The following SETBP1 variants were observed in gnomAD, a reference collection of about 807,000 sequenced individuals.
SETBP1 encodes the protein SET-binding protein.
A neutral mutation model predicts 101.0 loss-of-function variants in SETBP1; 9 were observed. The observed-to-expected ratio is 0.09, with a 90% CI of 0.05 to 0.16. The LOEUF (loss-of-function observed/expected upper bound fraction) is 0.16, where lower values mean the gene tolerates loss of function less well. SETBP1 is among the 10% of genes least tolerant of loss of function. The probability of loss-of-function intolerance (pLI) is 1.00; values close to 1 mark genes in which losing one functional copy is unlikely to be tolerated. For synonymous variants in SETBP1, 818 were observed against 788.5 expected, an observed-to-expected ratio of 1.04 and a Z score of -0.63; for missense variants, 1,858 against 2,033.8, an observed-to-expected ratio of 0.91 and a Z score of 1.66.
chr18:44,928,645 C>G (rs1049212410), intron 3 of SETBP1, among the ~76,000 whole-genome samples: 1 of 152,198 alleles, frequency 6.6e-6, no homozygotes, highest in Non-Finnish European at 1.5e-5. Flanking sequence ...GATGGTATCT[C>G]ATTGTGGTTT....
rs186455161 is a variant in SETBP1 at position 45,010,622 on chromosome 18, A to C, written c.4001-27863A>C. ...ATCTTTGATGGTTCTCATTGGTGTTACTATGAAAATGATTTCTAGAATTTC... is the reference window on the plus strand; with the variant it reads ...ATCTTTGATGGTTCTCATTGGTGTTCCTATGAAAATGATTTCTAGAATTTC... On this transcript the variant is annotated intron_variant, in intron 4 of 5. Coordinates refer to ENST00000649279, the MANE Select transcript of SETBP1 (RefSeq NM_015559.3). Among the ~76,000 whole-genome samples the C allele has an allele frequency of 8.5e-5, 13 of 152,364 alleles. No homozygotes were observed. The East Asian group carries it at 2.3e-3, about 27-fold the overall frequency.
At chr18:44,833,489 A>G (rs1351923556) in intron 2 of SETBP1, among the ~76,000 whole-genome samples, 9 of 152,192 alleles carry the variant, frequency 5.9e-5, no homozygotes. Flanking sequence ...ACCAAAGCCC[A>G]TGTCTGTCCT....
intron 2 of SETBP1, among the ~76,000 whole-genome samples, chr18:44,778,627 G>C (rs1568138838): frequency 6.6e-6 from 1 of 152,226 alleles, no homozygotes; most frequent in African/African-American, 2.4e-5. Flanking sequence ...AGGCACTATA[G>C]TTTTCCACTA....
chr18:44,809,353 A>C (rs1330343469), intron 2 of SETBP1, among the ~76,000 whole-genome samples: 1 of 152,244 alleles, frequency 6.6e-6, no homozygotes, highest in Non-Finnish European at 1.5e-5. Context: ...TTCAAAATGA[A>C]GAAAAAAAGA....
intron 2 of SETBP1, among the ~76,000 whole-genome samples, chr18:44,703,607 A>G (rs1297976610): frequency 6.6e-6 from 1 of 152,024 alleles, no homozygotes; most frequent in Non-Finnish European, 1.5e-5. Flanking sequence ...TTCTGCATCC[A>G]GGAATTGCCC....
At chr18:44,820,804 G>A (rs2072096364) in intron 2 of SETBP1, among the ~76,000 whole-genome samples, 3 of 152,194 alleles carry the variant, frequency 2.0e-5, no homozygotes, top group Admixed American at 2.0e-4. Flanking sequence ...GTTAACACTT[G>A]TCTTATGGAC....
In SETBP1 at chr18:44,839,406, TTGCTGCTGCTGC is replaced by T. The variant is rs80013756; in HGVS notation, c.487-29808_487-29797del. On this transcript the variant is annotated intron_variant, in intron 2 of 5. Transcript: ENST00000649279. ...TCAGCATGCTAGGCAAACCTGGGTG[TTGCTGCTGCTGC>T]TGCTGCTGCTGCTGCGAGGCTGCCC... is the stretch of plus-strand genomic sequence containing the variant. Among the ~76,000 whole-genome samples, 5 of 151,842 alleles carry T rather than the reference TTGCTGCTGCTGC, an allele frequency of 3.3e-5. No homozygotes were observed. The East Asian group carries it at 7.8e-4, about 24-fold the overall frequency.
At chr18:44,919,643 C>G (rs576957708) in intron 3 of SETBP1, among the ~76,000 whole-genome samples, 2 of 151,816 alleles carry the variant, frequency 1.3e-5, no homozygotes, top group African/African-American at 4.8e-5. Flanking sequence ...CCACCATGCC[C>G]GGCTAGATCC....
chr18:44,908,303 G>A (rs981161182), intron 3 of SETBP1, among the ~76,000 whole-genome samples: 14 of 151,790 alleles, frequency 9.2e-5, no homozygotes, highest in African/African-American at 2.4e-4. Flanking sequence ...TCGCCACCTC[G>A]GCCTCCCAAA....
chr18:45,008,974 C>G (rs570502287), intron 4 of SETBP1, among the ~76,000 whole-genome samples: 5 of 152,152 alleles, frequency 3.3e-5, no homozygotes, highest in African/African-American at 1.2e-4. Context: ...TGGTGCCTCA[C>G]GTGGAGCTGG....
At position 44,804,340 on chromosome 18, in the gene SETBP1, A is replaced by T. The variant is rs533241918; in HGVS notation, c.487-64890A>T. 3.9e-5 allele frequency among the ~76,000 whole-genome samples: 6 copies of T among 152,254 alleles called. No individual in the cohort carries two copies. The South Asian group carries it at 1.2e-3, about 32-fold the overall frequency. Reference sequence around the variant, plus strand: ...AAATGTTATGTATTCCTCATCATGGAATATTCTAATTTGCTTCAAATCATG... The same window carrying T: ...AAATGTTATGTATTCCTCATCATGGTATATTCTAATTTGCTTCAAATCATG... On this transcript the variant is annotated intron_variant, in intron 2 of 5. Coordinates refer to ENST00000649279, the MANE Select transcript of SETBP1 (RefSeq NM_015559.3).
intron 4 of SETBP1, among the ~76,000 whole-genome samples, chr18:45,000,593 A>G (rs928493221): frequency 1.3e-5 from 2 of 152,202 alleles, no homozygotes; most frequent in Non-Finnish European, 2.9e-5. Context: ...TCTTAAAATA[A>G]AAAATATACA....
chr18:44,718,487 AG>A (rs2069515829), intron 2 of SETBP1, among the ~76,000 whole-genome samples: 1 of 152,164 alleles, frequency 6.6e-6, no homozygotes, highest in South Asian at 2.1e-4. Context: ...AGAGAGAGAG[AG>A]AGAGAGCTAA....
At chr18:44,958,903 T>A (rs549888841) in intron 4 of SETBP1, among the ~76,000 whole-genome samples, 51 of 152,198 alleles carry the variant, frequency 3.4e-4, no homozygotes, top group Non-Finnish European at 6.2e-4. Context: ...TTATTGAGCC[T>A]CCCAAGTTTC....
chr18:45,030,233 T>G, intron 4 of SETBP1, among the ~76,000 whole-genome samples: 4 of 123,690 alleles, frequency 3.2e-5, no homozygotes, highest in Admixed American at 8.6e-5. Flanking sequence ...GTTGTTGAAT[T>G]TTGTCAAAGG....
chr18:44,720,907 AC>A (rs1267104216), intron 2 of SETBP1, among the ~76,000 whole-genome samples: 6 of 81,292 alleles, frequency 7.4e-5, no homozygotes, highest in East Asian at 3.8e-4. Flanking sequence ...TCCAACCCCC[AC>A]CCCCCACCCC....
chr18:45,011,542 C>G (rs1411745494), intron 4 of SETBP1, among the ~76,000 whole-genome samples: 1 of 152,238 alleles, frequency 6.6e-6, no homozygotes, highest in Non-Finnish European at 1.5e-5. Flanking sequence ...CTGCGCTGAA[C>G]AGCCTGCTCA....
At chr18:44,986,473 G>T (rs2072236408) in intron 4 of SETBP1, 1 of 152,130 alleles carries the variant, frequency 6.6e-6, no homozygotes, top group Admixed American at 6.5e-5. Flanking sequence ...ATTAATAAAT[G>T]AAATGTGGCT....
intron 3 of SETBP1, among the ~76,000 whole-genome samples, chr18:44,900,567 C>G (rs548002324): frequency 1.3e-5 from 2 of 152,132 alleles, no homozygotes; most frequent in Non-Finnish European, 2.9e-5. Flanking sequence ...ATAGCTAGTA[C>G]CTTTCTAGAT....
Sources: gnomAD v4.1 joint callset for allele counts (sites outside exome capture counted in the v4.1 genomes callset) on GRCh38, gnomAD v4.1.1 for gene constraint, MANE v1.5 for transcripts, NCBI Gene and HGNC (gene_info 2026-07-23, HGNC 2026-07-21) for gene names.